The following TRAP1 variants were observed in gnomAD, a reference collection of about 807,000 sequenced individuals.
TRAP1 encodes the protein heat shock protein 75 kDa, mitochondrial.
TRAP1 carries 102 observed loss-of-function variants against 89.1 expected under a neutral mutation model. The observed-to-expected ratio is 1.15, with a 90% confidence interval of 0.98 to 1.35. The LOEUF (loss-of-function observed/expected upper bound fraction) is 1.35, where lower values mean the gene tolerates loss of function less well. TRAP1 is among the 40% of genes most tolerant of loss of function. TRAP1 has a pLI of 0.00. For missense variants in TRAP1, 1,256 were observed against 945.3 expected (o/e 1.33, Z -4.31); for synonymous variants, 508 against 388.0 (o/e 1.31, Z -3.64).
At chr16:3,685,586 T>A (rs1263580303) in intron 4 of TRAP1, among the ~76,000 whole-genome samples, 2 of 152,140 alleles carry the variant, frequency 1.3e-5, no homozygotes, top group African/African-American at 4.8e-5. Flanking sequence ...GCCTAACTTT[T>A]CAGCCTTAAA....
intron 1 of TRAP1, among the ~76,000 whole-genome samples, chr16:3,695,219 G>T (rs1211894771): frequency 1.3e-5 from 2 of 152,084 alleles, no homozygotes; most frequent in Non-Finnish European, 2.9e-5. Context: ...TCTTTCGTGG[G>T]GAGACACAAT....
At chr16:3,703,328 G>A (rs1348198084) in intron 1 of TRAP1, among the ~76,000 whole-genome samples, 3 of 151,522 alleles carry the variant, frequency 2.0e-5, no homozygotes, top group African/African-American at 7.3e-5. Context: ...CACAAGCGGA[G>A]GACTAACAAG....
intron 13 of TRAP1, 37 bp from the exon 14 acceptor site, chr16:3,663,599 G>A (rs1272281130): frequency 6.2e-7 from 1 of 1,611,148 alleles, no homozygotes; most frequent in South Asian, 1.1e-5. Context: ...CAGACCCCGG[G>A]GGCCTCCAGC....
intron 3 of TRAP1, among the ~76,000 whole-genome samples, chr16:3,687,874 A>AC (rs1476992968): frequency 2.0e-5 from 3 of 151,226 alleles, no homozygotes; most frequent in Non-Finnish European, 2.9e-5. Context: ...AAAAAAAAAA[A>AC]AAACAAAAAC....
At chr16:3,658,910 C>A (rs1567216410) in intron 16 of TRAP1, 45 bp from the exon 17 acceptor site, 4 of 1,590,242 alleles carry the variant, frequency 2.5e-6, no homozygotes, top group Middle Eastern at 1.7e-4. Flanking sequence ...GTACCACGTG[C>A]TGTGACCCTC....
At chr16:3,666,540 T>TA (rs941191551) in intron 11 of TRAP1, among the ~76,000 whole-genome samples, 2 of 146,126 alleles carry the variant, frequency 1.4e-5, no homozygotes, top group Admixed American at 1.3e-4. Flanking sequence ...AGGCTAAAAT[T>TA]ATGTAATGCT....
intron 13 of TRAP1, 67 bp downstream of exon 13, chr16:3,664,207 G>A: frequency 6.9e-7 from 1 of 1,447,444 alleles, no homozygotes. Context: ...CCAGCACAGA[G>A]CTGAGAAGGT....
chr16:3,678,759 C>A (rs751756347), intron 5 of TRAP1, among the ~76,000 whole-genome samples: 8 of 152,194 alleles, frequency 5.3e-5, no homozygotes, highest in Non-Finnish European at 8.8e-5. Flanking sequence ...CCGCACCCGA[C>A]CTAGTGTTTT....
Position 3,690,914 on chromosome 16 carries a change from G to C in TRAP1, c.160C>G (p.Gln54Glu), listed in dbSNP as rs747732799. 6.3e-7 allele frequency: 1 copy of C among 1,593,472 alleles called. No individual in the cohort carries two copies. Among genetic ancestry groups the C allele is most frequent in the African/African-American group, 1.4e-5 (1 of 73,708 alleles). The change falls in exon 2 of 18, where the codon CAG (glutamine) becomes GAG (glutamate). Residue 54 changes from glutamine to glutamate, a missense_variant. Gln to Glu is a conservative substitution (Grantham distance 29). Transcript: ENST00000246957. ...TGCGTGCTGAACAGTCGTCCTGCCT[G>C]CAAGCTCCAGGCTGGGTTTCGCCTG... ...GPRRNPAWSL[Q>E]AGRLFSTQTA...
chr16:3,707,148 T>C (rs1398823569), intron 1 of TRAP1, among the ~76,000 whole-genome samples: 1 of 151,836 alleles, frequency 6.6e-6, no homozygotes, highest in East Asian at 1.9e-4. Flanking sequence ...CTGCCAGGCA[T>C]CTTGAGTTTT....
intron 7 of TRAP1, 148 bp from the exon 8 acceptor site, chr16:3,675,545 G>A (rs1403040786): frequency 2.8e-6 from 2 of 712,834 alleles, no homozygotes; most frequent in Admixed American, 4.8e-5. Flanking sequence ...GGCACAGTGG[G>A]GACACCTGTC....
In TRAP1 at chr16:3,658,177, C is replaced by A; in HGVS notation, c.2067G>T (p.Met689Ile). The change falls in exon 18 of 18, where the codon ATG becomes ATT. Residue 689 changes from methionine (M) to isoleucine (I), a missense_variant. Transcript: ENST00000246957. ...AAGLVDDPRAMVGRLNELLVK... is the reference protein window; with the variant it reads ...AAGLVDDPRAIVGRLNELLVK... ...CAAGCAGCTCATTCAAGCGGCCCAC[C>A]ATGGCCCTAGGGTCGTCAACAAGTC... 9 of 1,614,126 alleles carry A rather than the reference C, an allele frequency of 5.6e-6. No homozygotes were observed. Among genetic ancestry groups the A allele is most frequent in the Non-Finnish European group, 6.8e-6 (8 of 1,180,016 alleles).
At chr16:3,674,609 GGGCGGTGGTCTCAGGCGTA>G in intron 8 of TRAP1, 115 bp from the exon 9 acceptor site, 1 of 1,334,222 alleles carries the variant, frequency 7.5e-7, no homozygotes. Flanking sequence ...TGGGACAGAC[GGGCGGTGGTCTCAGGCGTA>G]GACCCCTCTC....
In TRAP1 at chr16:3,714,387, G is replaced by A. The variant is rs1047591809; in HGVS notation, c.88+3034C>T. On this transcript the variant is annotated intron_variant, in intron 1 of 17. Transcript: ENST00000246957. ...GAAATATTCTGAGGGTAGGCCAGGC[G>A]CAGTGGCTCACGCCTGTAATCCCAG... Among the ~76,000 whole-genome samples, 9 of 152,212 alleles carry A rather than the reference G, an allele frequency of 5.9e-5. No individual in the cohort carries two copies. In the East Asian group the frequency reaches 1.2e-3, roughly 20 times the overall value.
In TRAP1 at chr16:3,677,582, G is replaced by A. The variant is rs1052273943; in HGVS notation, c.620C>T (p.Ser207Leu). The A allele has an allele frequency of 6.2e-7, 1 of 1,614,168 alleles. No individual in the cohort carries two copies. ...CACTCTGTCAGCCACCATGAAAGCT[G>A]AGTAGAAACCCACTCCAAACTGGCC... is the stretch of plus-strand genomic sequence containing the variant. ...IIGQFGVGFYSAFMVADRVEV... is the reference protein window; with the variant it reads ...IIGQFGVGFYLAFMVADRVEV... Residue 207 changes from serine (S) to leucine (L), a missense_variant, in exon 6 of 18, where the codon TCA becomes TTA. Coordinates refer to ENST00000246957, the MANE Select transcript of TRAP1 (RefSeq NM_016292.3).
intron 1 of TRAP1, among the ~76,000 whole-genome samples, chr16:3,695,828 G>A (rs2051279764): frequency 1.3e-5 from 2 of 152,300 alleles, no homozygotes; most frequent in South Asian, 2.1e-4. Context: ...AAGATCAAGC[G>A]GAAAAGCTGA....
intron 4 of TRAP1, chr16:3,680,067 T>C: frequency 6.2e-6 from 2 of 321,538 alleles, no homozygotes; most frequent in Non-Finnish European, 6.0e-6. Flanking sequence ...CCATCTCTAC[T>C]AAAAAAGAAA....
At chr16:3,661,836 C>T in intron 16 of TRAP1, 151 bp downstream of exon 16, 2 of 1,023,214 alleles carry the variant, frequency 2.0e-6, no homozygotes, top group Non-Finnish European at 2.6e-6. Flanking sequence ...CACATGGGTG[C>T]AGCCTAAACT....
intron 4 of TRAP1, among the ~76,000 whole-genome samples, chr16:3,681,108 A>G (rs531140079): frequency 8.5e-5 from 13 of 152,320 alleles, no homozygotes; most frequent in African/African-American, 3.1e-4. Flanking sequence ...CCCATAATGT[A>G]GCCACAGCCC....
Sources: allele counts gnomAD v4.1 joint callset (sites outside exome capture counted in the v4.1 genomes callset), GRCh38; gene constraint gnomAD v4.1.1; transcripts MANE v1.5; gene names NCBI Gene and HGNC (gene_info 2026-07-23, HGNC 2026-07-21).